APBB2: variants seen among roughly 807,000 people sequenced by gnomAD.
APBB2 encodes amyloid beta precursor protein binding family B member 2.
Under a neutral mutation model 82.5 loss-of-function variants are expected in APBB2, and 38 were observed. The ratio of observed to expected loss-of-function variants is 0.46; its 90% CI spans 0.36 to 0.60. The LOEUF (loss-of-function observed/expected upper bound fraction) is 0.60. APBB2 is among the 20% of genes least tolerant of loss of function. The pLI is 0.00. For missense variants in APBB2, 772 were observed against 972.3 expected (o/e 0.79, Z 2.74); for synonymous variants, 341 against 368.2 (o/e 0.93, Z 0.85).
At chr4:41,048,365 TAA>T (rs1579542880) in intron 4 of APBB2, among the ~76,000 whole-genome samples, 1 of 152,234 alleles carries the variant, frequency 6.6e-6, no homozygotes, top group East Asian at 1.9e-4. Context: ...ACATCTTGTA[TAA>T]GAGACACTCA....
chr4:40,917,489 T>A (rs1165405660), intron 10 of APBB2, among the ~76,000 whole-genome samples: 1 of 150,252 alleles, frequency 6.7e-6, no homozygotes. Flanking sequence ...TTTTTTCATA[T>A]CCCACAATAC....
chr4:41,038,651 A>T (rs191529833), intron 4 of APBB2, among the ~76,000 whole-genome samples: 33 of 152,286 alleles, frequency 2.2e-4, no homozygotes, highest in African/African-American at 7.9e-4. Context: ...TATCCTCTTT[A>T]CCTTCAAATA....
chr4:40,959,377 A>T (rs531995749), intron 6 of APBB2, among the ~76,000 whole-genome samples: 22 of 152,288 alleles, frequency 1.4e-4, no homozygotes, highest in Admixed American at 5.2e-4. Context: ...TTAAATGGAG[A>T]CAATTTTCTT....
intron 10 of APBB2, among the ~76,000 whole-genome samples, chr4:40,904,074 A>G (rs554938560): frequency 7.9e-5 from 12 of 152,174 alleles, no homozygotes; most frequent in African/African-American, 2.9e-4. Context: ...GCCAGTAGAC[A>G]GCAACGGGTC....
At chr4:40,987,047 C>T (rs928540079) in intron 6 of APBB2, among the ~76,000 whole-genome samples, 3 of 152,040 alleles carry the variant, frequency 2.0e-5, no homozygotes, top group African/African-American at 7.2e-5. Context: ...TTAAAAGGAC[C>T]AGGACATTTC....
chr4:40,960,447 G>GT (rs34445427), intron 6 of APBB2, among the ~76,000 whole-genome samples: 3 of 138,986 alleles, frequency 2.2e-5, no homozygotes, highest in East Asian at 2.1e-4. Flanking sequence ...TTTTTTTCGG[G>GT]TTTTTTTTTT....
At chr4:41,188,080 T>C (rs899029644) in intron 1 of APBB2, among the ~76,000 whole-genome samples, 1 of 152,236 alleles carries the variant, frequency 6.6e-6, no homozygotes, top group Non-Finnish European at 1.5e-5. Context: ...AAAGTGCCTA[T>C]AAACTGTGAT....
At chr4:41,058,634 A>C (rs1430067082) in intron 4 of APBB2, among the ~76,000 whole-genome samples, 5 of 152,250 alleles carry the variant, frequency 3.3e-5, no homozygotes, top group South Asian at 2.1e-4. Flanking sequence ...CACTACAAAA[A>C]TGTGGTTACT....
intron 12 of APBB2, among the ~76,000 whole-genome samples, chr4:40,837,297 G>C (rs1487543343): frequency 6.6e-6 from 1 of 152,240 alleles, no homozygotes; most frequent in Non-Finnish European, 1.5e-5. Flanking sequence ...GTCCACTGCA[G>C]GCACCTTTGA....
intron 3 of APBB2, among the ~76,000 whole-genome samples, chr4:41,099,649 T>G (rs1744691756): frequency 6.6e-6 from 1 of 152,216 alleles, no homozygotes; most frequent in Non-Finnish European, 1.5e-5. Context: ...CCGATCTTAC[T>G]ATTTAATGCT....
At chr4:40,825,601 A>G (rs1277243765) in intron 15 of APBB2, among the ~76,000 whole-genome samples, 1 of 152,210 alleles carries the variant, frequency 6.6e-6, no homozygotes, top group East Asian at 1.9e-4. Context: ...GAGCTCTTCC[A>G]CGGCCCTGAG....
intron 2 of APBB2, among the ~76,000 whole-genome samples, chr4:41,131,698 T>C (rs1756040877): frequency 6.6e-6 from 1 of 152,198 alleles, no homozygotes. Context: ...AATACGTTTC[T>C]AAAATTCTTA....
rs117353470 is a variant in APBB2, at chr4:41,128,709, T to C, written c.-261+14278A>G. On this transcript the variant is annotated intron_variant, in intron 2 of 17. Coordinates refer to ENST00000508593, the MANE Select transcript of APBB2 (RefSeq NM_004307.2). ...TGAACAAACCAAACCTGTGCCCTCA[T>C]GGAAGTGACATTCTGGTAAGGTACA... 6.3e-3 allele frequency among the ~76,000 whole-genome samples: 965 copies of C among 152,332 alleles called. 13 individuals are homozygous for C. Among genetic ancestry groups the C allele is most frequent in the East Asian group, 0.031 (161 of 5,180 alleles).
chr4:41,193,543 C>T (rs915534167), intron 1 of APBB2: 120 of 984,892 alleles, frequency 1.2e-4, no homozygotes, highest in Non-Finnish European at 1.3e-4. Context: ...CTGAGCTCTC[C>T]GAATGGAAAC....
chr4:41,019,596 C>T (rs564475670), intron 5 of APBB2, among the ~76,000 whole-genome samples: 1 of 152,148 alleles, frequency 6.6e-6, no homozygotes, highest in African/African-American at 2.4e-5. Flanking sequence ...GTGATGAAGT[C>T]GTCGGGCGTG....
At chr4:40,881,364 A>G in intron 12 of APBB2, 1 of 985,026 alleles carries the variant, frequency 1.0e-6, no homozygotes, top group Non-Finnish European at 1.2e-6. Context: ...CCCCTACTAG[A>G]TGTCATCAGG....
chr4:40,900,587 C>G (rs148884270), intron 10 of APBB2, among the ~76,000 whole-genome samples: 3,204 of 151,816 alleles, frequency 0.021, 110 homozygotes, highest in African/African-American at 0.073. Flanking sequence ...TCCCAAGTAG[C>G]TGGGATTACA....
At chr4:40,908,608 G>C (rs115275638) in intron 10 of APBB2, among the ~76,000 whole-genome samples, 1 of 151,992 alleles carries the variant, frequency 6.6e-6, no homozygotes, top group Non-Finnish European at 1.5e-5. Context: ...GGCTGGCACC[G>C]GAGCCCAGGG....
intron 4 of APBB2, among the ~76,000 whole-genome samples, chr4:41,034,419 G>A (rs1029387987): frequency 6.6e-6 from 1 of 152,170 alleles, no homozygotes; most frequent in African/African-American, 2.4e-5. Flanking sequence ...CCACCTCCCG[G>A]GTTGAAGCTA....
Sources: allele counts gnomAD v4.1 joint callset (sites outside exome capture counted in the v4.1 genomes callset), GRCh38; gene constraint gnomAD v4.1.1; transcripts MANE v1.5; gene names NCBI Gene and HGNC (gene_info 2026-07-23, HGNC 2026-07-21).